ARRB2: variants seen among roughly 807,000 people sequenced by gnomAD.
The protein encoded by ARRB2 is beta-arrestin-2.
ARRB2 carries 21 observed loss-of-function variants against 53.4 expected under a neutral mutation model. That is an observed-to-expected ratio of 0.39 (90% CI 0.28 to 0.57). The LOEUF is 0.57. ARRB2 is among the 20% of genes least tolerant of loss of function. The pLI is 0.55. For synonymous variants in ARRB2, 180 were observed against 212.9 expected, an observed-to-expected ratio of 0.85 and a Z score of 1.34; for missense variants, 369 against 527.5, an observed-to-expected ratio of 0.70 and a Z score of 2.94.
In ARRB2 at chr17:4,717,270, A is replaced by G. The variant is rs767959337; in HGVS notation, c.411A>G (p.Thr137=). 2.5e-6 allele frequency: 4 copies of G among 1,614,116 alleles called. No homozygotes were observed. Among genetic ancestry groups the G allele is most frequent in the Non-Finnish European group, 3.4e-6 (4 of 1,179,974 alleles). ...CACTGCAGCCAGGCCCAGAGGATAC[A>G]GGAAAGGTACGGGAGGAACAGCTCT... ...SVTLQPGPED[T]GKACGVDFEI... is the part of the protein sequence containing the mutation. Residue 137 remains threonine (T), a synonymous_variant, in exon 6 of 15, where the codon ACA becomes ACG. Coordinates refer to ENST00000269260, the MANE Select transcript of ARRB2 (RefSeq NM_004313.4). The surrounding 1 kb of genome is among the most constrained non-coding windows in gnomAD (Gnocchi z 6.0).
rs1005181095 is a variant in ARRB2 at position 4,710,707 on chromosome 17, G to A, written c.-15G>A. 1.5e-5 allele frequency: 6 copies of A among 398,908 alleles called. No homozygotes were observed. In the Admixed American group the frequency reaches 2.2e-4, roughly 15 times the overall value. The allele number at this position is 398,908 out of a possible 1,614,324, so 24.7% of individuals were successfully genotyped here. ...GAGCGAGCCGCGAACCGAGCGGGCG[G>A]CGGGCGCGCGCACCATGGGGGAGAA... On this transcript the variant is annotated 5_prime_UTR_variant, in exon 1 of 15. Coordinates refer to ENST00000269260, the MANE Select transcript of ARRB2 (RefSeq NM_004313.4).
At chr17:4,711,302 C>G (rs4790693) in intron 1 of ARRB2, among the ~76,000 whole-genome samples, 1 of 151,906 alleles carries the variant, frequency 6.6e-6, no homozygotes, top group Non-Finnish European at 1.5e-5. Flanking sequence ...GAAACTAGAT[C>G]GTATCCCTCT....
At chr17:4,714,882 C>T (rs1291832077) in intron 1 of ARRB2, 131 bp from the exon 2 acceptor site, 1 of 910,820 alleles carries the variant, frequency 1.1e-6, no homozygotes, top group Non-Finnish European at 1.6e-6. Context: ...CAGAGCTGGG[C>T]AAAGCCCCAC....
intron 11 of ARRB2, 67 bp downstream of exon 11, chr17:4,719,487 T>C (rs1915469663): frequency 6.3e-7 from 1 of 1,575,066 alleles, no homozygotes; most frequent in East Asian, 2.2e-5. Flanking sequence ...TGCTCTATCC[T>C]AGTGTGCCAG....
intron 2 of ARRB2, chr17:4,715,488 CACACACACACATACACACAT>C (rs1567681172): frequency 2.0e-5 from 3 of 146,654 alleles, no homozygotes; most frequent in East Asian, 3.8e-4. Flanking sequence ...CACACACAGA[CACACACACACATACACACAT>C]ACACACACAC....
At chr17:4,713,947 G>A (rs1277730666) in intron 1 of ARRB2, among the ~76,000 whole-genome samples, 1 of 152,222 alleles carries the variant, frequency 6.6e-6, no homozygotes, top group Non-Finnish European at 1.5e-5. Flanking sequence ...CTGGGCAACA[G>A]AGTGAGACTC....
At position 4,719,382 on chromosome 17, in the gene ARRB2, A is replaced by G; in HGVS notation, c.879A>G (p.Lys293=). Residue 293 remains lysine (K), a synonymous_variant, in exon 11 of 15, where the codon AAA becomes AAG. Transcript: ENST00000269260. ...AGCGGGGTCTCGCCCTGGATGGGAA[A>G]CTCAAGCACGAGGACACCAACCTGG... ...REKRGLALDG[K]LKHEDTNLAS... 1 of 1,613,986 alleles carries G rather than the reference A, an allele frequency of 6.2e-7. No individual in the cohort carries two copies. The highest frequency in any genetic ancestry group is 8.5e-7 in the Non-Finnish European group (1 of 1,179,988).
intron 11 of ARRB2, 80 bp downstream of exon 11, chr17:4,719,500 A>T: frequency 3.2e-6 from 5 of 1,551,618 alleles, no homozygotes; most frequent in Non-Finnish European, 4.4e-6. Flanking sequence ...TGTGCCAGGG[A>T]TGTATCAGTG....
chr17:4,719,155 A>T, intron 10 of ARRB2, 128 bp from the exon 11 acceptor site: 1 of 1,146,724 alleles, frequency 8.7e-7, no homozygotes, highest in Non-Finnish European at 1.2e-6. Context: ...GCCAAAACCT[A>T]CTCCCTTGTG....
chr17:4,715,364 C>A (rs1027616487), intron 2 of ARRB2: 21 of 417,650 alleles, frequency 5.0e-5, no homozygotes, highest in African/African-American at 4.1e-4. Flanking sequence ...AACCTAACAG[C>A]CCCCGGGCTA....
intron 1 of ARRB2, among the ~76,000 whole-genome samples, chr17:4,714,287 G>A (rs1396201473): frequency 1.3e-5 from 2 of 152,228 alleles, no homozygotes; most frequent in Admixed American, 6.5e-5. Context: ...AGCTCTTGAG[G>A]TCGGAGTTGG....
chr17:4,717,918 G>A lies in ARRB2; in HGVS notation c.516G>A (p.Val172=), dbSNP rs199982675. 4.3e-6 allele frequency: 7 copies of A among 1,613,952 alleles called. No homozygotes were observed. The highest frequency in any genetic ancestry group is 1.7e-5 in the Admixed American group (1 of 60,026). The change falls in exon 8 of 15, where the codon GTG becomes GTA. Residue 172 remains valine (V), a synonymous_variant. Transcript: ENST00000269260. The surrounding 1 kb of genome is among the most constrained non-coding windows in gnomAD (Gnocchi z 6.0). ...CTGTGCGGCTGGTGATCCGAAAGGT[G>A]CAGTTCGCCCCGGAGAAACCCGGCC... is the stretch of plus-strand genomic sequence containing the variant. ...RNSVRLVIRK[V]QFAPEKPGPQ... is the part of the protein sequence containing the mutation.
intron 1 of ARRB2, 66 bp downstream of exon 1, chr17:4,710,810 C>T: frequency 2.5e-6 from 1 of 397,792 alleles, no homozygotes. Flanking sequence ...GGGACGGTCC[C>T]AGACGAGGGC....
chr17:4,716,347 C>T (rs1915026866), intron 4 of ARRB2, 65 bp from the exon 5 acceptor site: 2 of 1,612,914 alleles, frequency 1.2e-6, no homozygotes, highest in Non-Finnish European at 1.7e-6. Context: ...GGAGCAGCGG[C>T]TGCTAGGTGC....
intron 14 of ARRB2, 132 bp downstream of exon 14, chr17:4,720,772 C>T: frequency 9.4e-7 from 1 of 1,069,182 alleles, no homozygotes; most frequent in Non-Finnish European, 1.3e-6. Flanking sequence ...ATGCCTTAGC[C>T]TTGTGAGGCT....
At chr17:4,711,602 A>T (rs1051775574) in intron 1 of ARRB2, among the ~76,000 whole-genome samples, 1 of 152,150 alleles carries the variant, frequency 6.6e-6, no homozygotes, top group South Asian at 2.1e-4. Context: ...GCAAAACATC[A>T]TATCAACCCC....
Position 4,717,880 on chromosome 17 carries a change from G to C in ARRB2, c.486-8G>C, listed in dbSNP as rs918115994. 1.9e-6 allele frequency: 3 copies of C among 1,613,964 alleles called. No individual in the cohort carries two copies. In the African/African-American group the frequency reaches 4.0e-5, roughly 22 times the overall value. ...GAATGACCCCTCCTGCCCCTACTCT[G>C]ATCCCAGGAACTCTGTGCGGCTGGT... On this transcript the variant is annotated splice_polypyrimidine_tract_variant and splice_region_variant and intron_variant, in intron 7 of 14. Transcript: ENST00000269260. The surrounding 1 kb of genome is among the most constrained non-coding windows in gnomAD (Gnocchi z 6.0).
Position 4,721,131 on chromosome 17 carries a change from C to G in ARRB2, c.*92C>G, listed in dbSNP as rs1915656711. ...TGTCAATGGGGGATTGTCCCAGCCC[C>G]TCTTCCCTTCCCCTCACCTGGAAGC... On this transcript the variant is annotated 3_prime_UTR_variant, in exon 15 of 15. Transcript: ENST00000269260. This position sits in a 1 kb window ranked among gnomAD's most constrained non-coding sequence, Gnocchi z 4.2. 1 of 1,320,390 alleles carries G rather than the reference C, an allele frequency of 7.6e-7. No homozygotes were observed. Among genetic ancestry groups the G allele is most frequent in the African/African-American group, 1.5e-5 (1 of 68,628 alleles). The allele number at this position is 1,320,390 out of a possible 1,614,324, so 81.8% of individuals were successfully genotyped here.
rs761394710 is a variant in ARRB2, at chr17:4,719,271, C to A, written c.780-12C>A. The A allele has an allele frequency of 6.2e-7, 1 of 1,607,218 alleles. No individual in the cohort carries two copies. The highest frequency in any genetic ancestry group is 1.3e-5 in the African/African-American group (1 of 74,846). On this transcript the variant is annotated splice_polypyrimidine_tract_variant and intron_variant, in intron 10 of 14. Transcript: ENST00000269260. ...GCCCCTAAGCATCTTGTTCTCTTGT[C>A]CCCACCCCCAGTGACCAGGTATCTC...
Sources: gnomAD v4.1 joint callset for allele counts (sites outside exome capture counted in the v4.1 genomes callset) on GRCh38, gnomAD v4.1.1 for gene constraint, Gnocchi (gnomAD v3.1) non-coding constraint, MANE v1.5 for transcripts, NCBI Gene and HGNC (gene_info 2026-07-23, HGNC 2026-07-21) for gene names.